HHAT: variants seen among roughly 807,000 people sequenced by gnomAD.
The protein encoded by HHAT is hedgehog acyltransferase.
Under a neutral mutation model 70.8 loss-of-function variants are expected in HHAT, and 47 were observed. That is an observed-to-expected ratio of 0.66 (90% confidence interval 0.53 to 0.85). The LOEUF (loss-of-function observed/expected upper bound fraction) is 0.85, where lower values mean the gene tolerates loss of function less well. HHAT is among the 40% of genes least tolerant of loss of function. The pLI is 0.00. For missense variants in HHAT, 609 were observed against 604.8 expected, an observed-to-expected ratio of 1.01 and a Z score of -0.07; for synonymous variants, 228 against 247.6, an observed-to-expected ratio of 0.92 and a Z score of 0.74.
intron 8 of HHAT, among the ~76,000 whole-genome samples, chr1:210,485,333 AG>A (rs1217166728): frequency 6.6e-6 from 1 of 152,172 alleles, no homozygotes; most frequent in Non-Finnish European, 1.5e-5. Flanking sequence ...CTGTAGACTC[AG>A]GGTCAGCCGC....
rs371722219 is a variant in HHAT, at chr1:210,583,947, ATTTT to A, written c.1044-3931_1044-3928del. On this transcript the variant is annotated intron_variant, in intron 9 of 11. Coordinates refer to ENST00000261458, the MANE Select transcript of HHAT (RefSeq NM_018194.6). ...TTTTCTGACATATACAGTGCAGCTA[ATTTT>A]TTTTTTTTTTTTTTTTTTTGTGATG... Among the ~76,000 whole-genome samples the A allele has an allele frequency of 4.8e-3, 430 of 88,978 alleles. 2 individuals are homozygous for A. The highest frequency in any genetic ancestry group is 5.8e-3 in the Non-Finnish European group (291 of 49,770). The allele number at this position is 88,978 out of a possible 152,430, so 58.4% of individuals were successfully genotyped here. A position where few individuals can be genotyped will look rare whatever the true frequency, so the allele number is the denominator to read the frequency against.
At chr1:210,526,367 G>GTTTTGTTTTGTTTTGTT in intron 9 of HHAT, among the ~76,000 whole-genome samples, 3 of 142,424 alleles carry the variant, frequency 2.1e-5, no homozygotes, top group African/African-American at 7.8e-5. Context: ...AGTGGGTTCT[G>GTTTTGTTTTGTTTTGTT]TTTTTTTTTT....
intron 9 of HHAT, among the ~76,000 whole-genome samples, chr1:210,573,231 A>G (rs4845055): frequency 0.089 from 13,560 of 152,074 alleles, 886 homozygotes; most frequent in East Asian, 0.28. Context: ...CCAGTTGTAA[A>G]TCAAAAACCA....
At chr1:210,342,503 A>G (rs560891237) in intron 1 of HHAT, among the ~76,000 whole-genome samples, 1 of 152,052 alleles carries the variant, frequency 6.6e-6, no homozygotes, top group South Asian at 2.1e-4. Context: ...TGTGTAGATT[A>G]ATCAGGTAGA....
intron 7 of HHAT, among the ~76,000 whole-genome samples, chr1:210,422,669 G>A (rs921243644): frequency 6.6e-6 from 1 of 151,606 alleles, no homozygotes; most frequent in African/African-American, 2.4e-5. Flanking sequence ...ACGGAGTCTC[G>A]CTCCATCGCC....
At chr1:210,614,974 G>C (rs12036732) in intron 10 of HHAT, among the ~76,000 whole-genome samples, 43,802 of 152,044 alleles carry the variant, frequency 0.29, 7,914 homozygotes, top group East Asian at 0.67. Context: ...CTAGATCCCT[G>C]AGGAATCACC....
At chr1:210,362,379 A>C (rs115468083) in intron 2 of HHAT, among the ~76,000 whole-genome samples, 7,103 of 151,686 alleles carry the variant, frequency 0.047, 532 homozygotes, top group African/African-American at 0.16. Context: ...TGACCATGCC[A>C]CCACACCTGG....
chr1:210,663,045 A>G (rs1253572521), intron 11 of HHAT, among the ~76,000 whole-genome samples: 2 of 152,090 alleles, frequency 1.3e-5, no homozygotes, highest in Non-Finnish European at 2.9e-5. Context: ...CTCAGCCCTT[A>G]GCAGGGGCCA....
intron 1 of HHAT, among the ~76,000 whole-genome samples, chr1:210,338,016 T>G (rs2147928412): frequency 6.6e-6 from 1 of 152,278 alleles, no homozygotes; most frequent in South Asian, 2.1e-4. Flanking sequence ...TTGGGTTCAG[T>G]TTTAGGTAAA....
chr1:210,358,290 G>A (rs2087869688), intron 2 of HHAT, among the ~76,000 whole-genome samples: 1 of 152,222 alleles, frequency 6.6e-6, no homozygotes, highest in South Asian at 2.1e-4. Context: ...TAAGCACCTG[G>A]TGGTCTGCCC....
intron 6 of HHAT, among the ~76,000 whole-genome samples, chr1:210,411,732 T>C (rs1271010287): frequency 6.6e-6 from 1 of 151,986 alleles, no homozygotes; most frequent in Non-Finnish European, 1.5e-5. Context: ...GGCAATAGAG[T>C]GACACCCTGT....
intron 8 of HHAT, among the ~76,000 whole-genome samples, chr1:210,485,568 A>G (rs971511938): frequency 2.0e-5 from 3 of 152,122 alleles, no homozygotes; most frequent in African/African-American, 7.2e-5. Flanking sequence ...CCTACCTGAG[A>G]CTGGGTAAAT....
chr1:210,537,626 A>G (rs1169578268), intron 9 of HHAT, among the ~76,000 whole-genome samples: 2 of 152,192 alleles, frequency 1.3e-5, no homozygotes, highest in Non-Finnish European at 2.9e-5. Flanking sequence ...GGCCATTTTA[A>G]TGTGTCATGT....
At chr1:210,467,160 T>C (rs2094124476) in intron 8 of HHAT, among the ~76,000 whole-genome samples, 1 of 152,224 alleles carries the variant, frequency 6.6e-6, no homozygotes, top group Non-Finnish European at 1.5e-5. Context: ...TCCAGGCTAC[T>C]AATTATACTT....
At chr1:210,581,525 T>A (rs1659264557) in intron 9 of HHAT, among the ~76,000 whole-genome samples, 1 of 152,242 alleles carries the variant, frequency 6.6e-6, no homozygotes, top group Non-Finnish European at 1.5e-5. Flanking sequence ...CAGTGTAACA[T>A]GGACAAAAGT....
At chr1:210,490,420 C>G (rs1406009803) in intron 8 of HHAT, among the ~76,000 whole-genome samples, 1 of 152,196 alleles carries the variant, frequency 6.6e-6, no homozygotes, top group Non-Finnish European at 1.5e-5. Context: ...TTCCTTGGTT[C>G]TCCCCATTTG....
At chr1:210,329,478 T>C in intron 1 of HHAT, 1 of 1,028,780 alleles carries the variant, frequency 9.7e-7, no homozygotes, top group Non-Finnish European at 1.2e-6. Context: ...CTCCAGGGAC[T>C]CTAAAGTTAG....
chr1:210,376,537 T>A (rs2090233688), intron 3 of HHAT, among the ~76,000 whole-genome samples: 1 of 152,182 alleles, frequency 6.6e-6, no homozygotes, highest in Non-Finnish European at 1.5e-5. Context: ...AATAGATTTC[T>A]GAAGAAAGAT....
At chr1:210,665,851 A>C (rs1050704484) in intron 11 of HHAT, among the ~76,000 whole-genome samples, 1 of 152,218 alleles carries the variant, frequency 6.6e-6, no homozygotes, top group African/African-American at 2.4e-5. Flanking sequence ...CTCTATGACA[A>C]GTTATTTACC....
Sources: allele counts gnomAD v4.1 joint callset (sites outside exome capture counted in the v4.1 genomes callset), GRCh38; gene constraint gnomAD v4.1.1; transcripts MANE v1.5; gene names NCBI Gene and HGNC (gene_info 2026-07-23, HGNC 2026-07-21).